Variants in CD53 observed in about 807,000 individuals in gnomAD.
The protein encoded by CD53 is leukocyte surface antigen CD53.
Under a neutral mutation model 27.3 loss-of-function variants are expected in CD53, and 20 were observed. The ratio of observed to expected loss-of-function variants is 0.73; its 90% CI spans 0.52 to 1.07. The LOEUF is 1.07. Ranked by LOEUF, CD53 falls within the 50% of genes least tolerant of loss-of-function variation. The pLI, the probability that CD53 is intolerant of heterozygous loss-of-function variation, is 0.00. For missense variants in CD53, 216 were observed against 264.0 expected, an observed-to-expected ratio of 0.82 and a Z score of 1.26; for synonymous variants, 106 against 105.3, an observed-to-expected ratio of 1.01 and a Z score of -0.04.
At chr1:110,892,996 T>C in intron 3 of CD53, 1 of 167,540 alleles carries the variant, frequency 6.0e-6, no homozygotes, top group South Asian at 1.4e-4. Flanking sequence ...CACAAGATAC[T>C]CCGTAGAGAG....
At chr1:110,887,213 A>G (rs558715385) in intron 1 of CD53, among the ~76,000 whole-genome samples, 11 of 151,916 alleles carry the variant, frequency 7.2e-5, no homozygotes, top group East Asian at 5.8e-4. Flanking sequence ...ACAGGCGCCC[A>G]CCACCACGCC....
At chr1:110,898,347 T>C (rs899902657) in intron 7 of CD53, among the ~76,000 whole-genome samples, 1 of 140,924 alleles carries the variant, frequency 7.1e-6, no homozygotes, top group Non-Finnish European at 1.5e-5. Flanking sequence ...ACTGCACTCC[T>C]GCCTGGGCGA....
intron 1 of CD53, among the ~76,000 whole-genome samples, chr1:110,887,224 T>C (rs971000314): frequency 9.9e-5 from 15 of 151,870 alleles, no homozygotes; most frequent in African/African-American, 3.1e-4. Context: ...CCACCACGCC[T>C]GGCTAATTTT....
At position 110,897,876 on chromosome 1, in the gene CD53, G is replaced by C. The variant is rs1657131145; in HGVS notation, c.572G>C (p.Cys191Ser). Reference protein sequence around the residue: ...NFLYIGIITICVCVIEVLGMS... With the variant: ...NFLYIGIITISVCVIEVLGMS... Reference sequence around the variant, plus strand: ...CTGTATATCGGAATCATCACCATCTGTGTATGTGTGATTGAGGTAAGAGCT... The same window carrying C: ...CTGTATATCGGAATCATCACCATCTCTGTATGTGTGATTGAGGTAAGAGCT... Residue 191 changes from cysteine (C) to serine (S), a missense_variant, in exon 7 of 8, where the codon TGT (cysteine) becomes TCT (serine). Transcript: ENST00000271324. 6.2e-7 allele frequency: 1 copy of C among 1,606,092 alleles called. No individual in the cohort carries two copies. Among genetic ancestry groups the C allele is most frequent in the Non-Finnish European group, 8.5e-7 (1 of 1,173,554 alleles).
At chr1:110,875,805 G>A (rs1003319355) in intron 1 of CD53, among the ~76,000 whole-genome samples, 1 of 152,222 alleles carries the variant, frequency 6.6e-6, no homozygotes, top group Non-Finnish European at 1.5e-5. Context: ...TGGTCAGTTT[G>A]AGAAGGCTGT....
At position 110,899,211 on chromosome 1, in the gene CD53, T is replaced by A. The variant is rs1298076197; in HGVS notation, c.*16T>A. On this transcript the variant is annotated 3_prime_UTR_variant, in exon 8 of 8. Coordinates refer to ENST00000271324, the MANE Select transcript of CD53 (RefSeq NM_000560.4). ...AGGGCTATGATCTGCAGTAGTCCTG[T>A]GGTGAAGAGACTTGTTTCATCTCCG... 9 of 1,583,362 alleles carry A rather than the reference T, an allele frequency of 5.7e-6. No individual in the cohort carries two copies. The South Asian group carries it at 9.9e-5, about 17-fold the overall frequency.
intron 1 of CD53, among the ~76,000 whole-genome samples, chr1:110,877,661 C>G (rs1350843858): frequency 6.6e-6 from 1 of 152,130 alleles, no homozygotes; most frequent in Non-Finnish European, 1.5e-5. Flanking sequence ...CTATAAATCG[C>G]CAAATCCTCT....
intron 7 of CD53, among the ~76,000 whole-genome samples, chr1:110,898,379 G>GAAAAA (rs11390194): frequency 3.5e-5 from 4 of 115,642 alleles, no homozygotes; most frequent in Non-Finnish European, 5.1e-5. Context: ...TCTGTCTCCA[G>GAAAAA]AAAAAAAAAA....
chr1:110,889,011 A>G (rs1656739443), intron 1 of CD53, among the ~76,000 whole-genome samples: 1 of 152,178 alleles, frequency 6.6e-6, no homozygotes, highest in Non-Finnish European at 1.5e-5. Flanking sequence ...GACATATTTT[A>G]TCTTTTATTG....
upstream of CD53, among the ~76,000 whole-genome samples, chr1:110,872,622 G>A (rs186893591): frequency 2.8e-3 from 428 of 152,334 alleles, 1 homozygote; most frequent in Non-Finnish European, 3.5e-3. Flanking sequence ...AGACAGAGAA[G>A]TCTGCAAATG....
At chr1:110,885,724 C>T (rs762460599) in intron 1 of CD53, among the ~76,000 whole-genome samples, 34 of 151,438 alleles carry the variant, frequency 2.2e-4, no homozygotes, top group Non-Finnish European at 4.0e-4. Flanking sequence ...ATTAGCTGGG[C>T]GTGGTGGTGC....
In CD53 at chr1:110,894,364, T is replaced by A; in HGVS notation, c.290T>A (p.Val97Glu). ...ILLLIILLAE[V>E]TLAILLFVYE... ...CTGCTGATTATCCTCCTTGCTGAGG[T>A]GACCTTGGCCATCCTGCTCTTTGTA... Residue 97 changes from valine (V) to glutamate (E), a missense_variant, in exon 4 of 8, where the codon GTG becomes GAG. Coordinates refer to ENST00000271324, the MANE Select transcript of CD53 (RefSeq NM_000560.4). 3 of 1,614,106 alleles carry A rather than the reference T, an allele frequency of 1.9e-6. No homozygotes were observed. The highest frequency in any genetic ancestry group is 2.5e-6 in the Non-Finnish European group (3 of 1,179,960).
chr1:110,899,831 A>G lies in CD53; in HGVS notation c.*636A>G, dbSNP rs535070791. On this transcript the variant is annotated 3_prime_UTR_variant, in exon 8 of 8. Coordinates refer to ENST00000271324, the MANE Select transcript of CD53 (RefSeq NM_000560.4). ...AACCAGTCACTTAGCTGATAATCAC[A>G]GTAAGAAGACTTCTGGTATTATCTC... 7.2e-5 allele frequency: 11 copies of G among 152,894 alleles called. No individual in the cohort carries two copies. Among genetic ancestry groups the G allele is most frequent in the African/African-American group, 2.4e-4 (10 of 41,586 alleles). The allele number at this position is 152,894 out of a possible 1,614,324, so 9.5% of individuals were successfully genotyped here.
At chr1:110,878,006 G>C (rs1045145753) in intron 1 of CD53, among the ~76,000 whole-genome samples, 13 of 152,156 alleles carry the variant, frequency 8.5e-5, no homozygotes, top group African/African-American at 3.1e-4. Context: ...ACCAGAGCCT[G>C]GGACGGTGGA....
chr1:110,879,898 C>T (rs1333060), intron 1 of CD53, among the ~76,000 whole-genome samples: 6 of 152,088 alleles, frequency 3.9e-5, no homozygotes, highest in African/African-American at 1.4e-4. Context: ...TCTATCCAAC[C>T]TTAACCACTT....
intron 1 of CD53, among the ~76,000 whole-genome samples, chr1:110,882,432 A>G (rs905340116): frequency 2.6e-5 from 4 of 152,020 alleles, no homozygotes; most frequent in Non-Finnish European, 4.4e-5. Context: ...TTCTCTTGAT[A>G]TATTTATTTA....
intron 1 of CD53, among the ~76,000 whole-genome samples, chr1:110,890,223 C>G (rs6674671): frequency 0.64 from 96,986 of 151,914 alleles, 33,083 homozygotes; most frequent in Non-Finnish European, 0.77. Flanking sequence ...GTCCTGTGCA[C>G]GGTTTTAAAA....
chr1:110,890,743 C>T (rs936822862), intron 1 of CD53, among the ~76,000 whole-genome samples: 3 of 152,220 alleles, frequency 2.0e-5, no homozygotes, highest in Non-Finnish European at 2.9e-5. Context: ...TCTCTTTTTA[C>T]TTCCCCATTG....
At chr1:110,897,972 A>C (rs1465729995) in intron 7 of CD53, 80 bp downstream of exon 7, 1 of 741,432 alleles carries the variant, frequency 1.3e-6, no homozygotes, top group Non-Finnish European at 2.3e-6. Context: ...CCAGGTACAC[A>C]GTATTTACAC....
Sources: gnomAD v4.1 joint callset for allele counts (sites outside exome capture counted in the v4.1 genomes callset) on GRCh38, gnomAD v4.1.1 for gene constraint, MANE v1.5 for transcripts, NCBI Gene and HGNC (gene_info 2026-07-23, HGNC 2026-07-21) for gene names.